UNC13B: variants seen among roughly 807,000 people sequenced by gnomAD.
UNC13B encodes the protein unc-13 homolog B.
In UNC13B, 144 loss-of-function variants were observed where a neutral mutation model predicts 211.0. That is an observed-to-expected ratio of 0.68 (90% CI 0.60 to 0.78). The LOEUF (loss-of-function observed/expected upper bound fraction) is 0.78, where lower values mean the gene tolerates loss of function less well. Ranked by LOEUF, UNC13B falls within the 30% of genes least tolerant of loss-of-function variation. The pLI is 0.00. For missense variants in UNC13B, 1,777 were observed against 2,002.0 expected (o/e 0.89, Z 2.14); for synonymous variants, 709 against 725.8 (o/e 0.98, Z 0.37).
chr9:35,312,193 TAA>T (rs1830212608), intron 10 of UNC13B, among the ~76,000 whole-genome samples: 1 of 152,196 alleles, frequency 6.6e-6, no homozygotes, highest in Non-Finnish European at 1.5e-5. Context: ...GATCTAATAA[TAA>T]AGCCTCTCAC....
chr9:35,348,374 C>A (rs371479962), intron 11 of UNC13B, among the ~76,000 whole-genome samples: 6 of 152,354 alleles, frequency 3.9e-5, no homozygotes, highest in African/African-American at 1.4e-4. Context: ...CGGCCGGCCT[C>A]CTGACACTTG....
In UNC13B at chr9:35,307,536, G is replaced by A. The variant is rs964010837; in HGVS notation, c.8132G>A (p.Ser2711Asn). The part of the protein sequence containing the change: ...ETDTMLFNDA[S>N]VSQSTTLETE... ...GATACTATGCTGTTCAATGATGCAA[G>A]TGTGAGCCAGAGCACCACTCTGGAA... is the stretch of plus-strand genomic sequence containing the variant. The change falls in exon 9 of 40, where the codon AGT (serine) becomes AAT (asparagine). Residue 2711 changes from serine to asparagine, a missense_variant. Ser to Asn is a conservative substitution (Grantham distance 46). Coordinates refer to ENST00000635942, the MANE Select transcript of UNC13B (RefSeq NM_001371189.2). 10 of 398,928 alleles carry A rather than the reference G, an allele frequency of 2.5e-5. No homozygotes were observed. The highest frequency in any genetic ancestry group is 4.4e-5 in the Non-Finnish European group (10 of 226,088). 24.7% of individuals were successfully genotyped at this position (398,928 alleles called of 1,614,324 possible).
In UNC13B at chr9:35,404,545, T is replaced by C. The variant is rs934005267; in HGVS notation, c.*512T>C. ...CACAGAATAGAATTTAGACTGTCCC[T>C]TGAGTAGAATCCACTGATTTTCTGT... On this transcript the variant is annotated 3_prime_UTR_variant, in exon 40 of 40. Transcript: ENST00000635942. 7.3e-5 allele frequency: 12 copies of C among 163,540 alleles called. No homozygotes were observed. Among genetic ancestry groups the C allele is most frequent in the Admixed American group, 1.1e-4 (2 of 17,866 alleles). The allele number at this position is 163,540 out of a possible 1,614,324, so 10.1% of individuals were successfully genotyped here.
intron 7 of UNC13B, among the ~76,000 whole-genome samples, chr9:35,284,377 A>G (rs947331147): frequency 2.0e-5 from 3 of 152,228 alleles, no homozygotes; most frequent in African/African-American, 7.2e-5. Flanking sequence ...TGGATGTTGA[A>G]CATTTCAAAA....
intron 11 of UNC13B, among the ~76,000 whole-genome samples, chr9:35,333,639 A>C (rs1183386818): frequency 6.6e-6 from 1 of 152,186 alleles, no homozygotes; most frequent in Non-Finnish European, 1.5e-5. Flanking sequence ...AATATTATCC[A>C]TTCTTTGGAT....
intron 7 of UNC13B, among the ~76,000 whole-genome samples, chr9:35,276,822 T>C (rs1828206965): frequency 6.6e-6 from 1 of 152,202 alleles, no homozygotes; most frequent in Non-Finnish European, 1.5e-5. Context: ...ATGCGGTGTC[T>C]TTCAATGATA....
intron 8 of UNC13B, 24 bp downstream of exon 8, chr9:35,295,954 T>C (rs778462557): frequency 1.3e-6 from 2 of 1,566,070 alleles, no homozygotes; most frequent in Non-Finnish European, 8.7e-7. Context: ...ACAAAGTACT[T>C]TCTCTTCCTA....
chr9:35,369,641 A>G (rs1833991409), intron 12 of UNC13B, among the ~76,000 whole-genome samples: 2 of 152,240 alleles, frequency 1.3e-5, no homozygotes, highest in African/African-American at 2.4e-5. Context: ...CCACACTCAT[A>G]CAGTCCCTTT....
chr9:35,393,187 C>T (rs1223424201), intron 26 of UNC13B, among the ~76,000 whole-genome samples: 2 of 152,162 alleles, frequency 1.3e-5, no homozygotes, highest in Non-Finnish European at 2.9e-5. Flanking sequence ...GTAGTTACAA[C>T]ACAAAGTTAT....
intron 16 of UNC13B, 45 bp from the exon 17 acceptor site, chr9:35,378,250 G>C: frequency 6.2e-7 from 1 of 1,611,636 alleles, no homozygotes; most frequent in African/African-American, 1.3e-5. Flanking sequence ...GTTGTGGGGG[G>C]CTTCTGAACG....
intron 1 of UNC13B, among the ~76,000 whole-genome samples, chr9:35,172,970 T>C (rs996450105): frequency 6.6e-6 from 1 of 152,196 alleles, no homozygotes; most frequent in Non-Finnish European, 1.5e-5. Flanking sequence ...CTATAGTAAG[T>C]GCTTCTTTAG....
rs766375749 is a variant in UNC13B at position 35,313,937 on chromosome 9, C to T, written c.9362C>T (p.Ala3121Val). ...AATGCATCTTCACCATTTACCCAAG[C>T]CAGAGCACATTGGATCCGAGCAGTT... is the stretch of plus-strand genomic sequence containing the variant. Reference protein sequence around the residue: ...EENASSPFTQARAHWIRAVTK... With the variant: ...EENASSPFTQVRAHWIRAVTK... Residue 3121 changes from alanine to valine, a missense_variant, in exon 11 of 40, where the codon GCC (alanine) becomes GTC (valine). Ala to Val is a moderately conservative substitution (Grantham distance 64). Coordinates refer to ENST00000635942, the MANE Select transcript of UNC13B (RefSeq NM_001371189.2). 23 of 1,613,840 alleles carry T rather than the reference C, an allele frequency of 1.4e-5. No individual in the cohort carries two copies. The highest frequency in any genetic ancestry group is 3.3e-4 in the Middle Eastern group (2 of 6,078).
chr9:35,204,215 G>A (rs1477174357), intron 1 of UNC13B, among the ~76,000 whole-genome samples: 2 of 152,254 alleles, frequency 1.3e-5, no homozygotes, highest in East Asian at 3.9e-4. Flanking sequence ...AGGCTTGGGA[G>A]CCTCCATCTA....
intron 26 of UNC13B, among the ~76,000 whole-genome samples, chr9:35,393,306 G>C (rs756062325): frequency 6.6e-6 from 1 of 152,118 alleles, no homozygotes; most frequent in African/African-American, 2.4e-5. Context: ...TGTACAAGCC[G>C]AAACCTGAAG....
intron 37 of UNC13B, among the ~76,000 whole-genome samples, chr9:35,401,183 G>A (rs796448502): frequency 3.9e-5 from 6 of 152,326 alleles, no homozygotes; most frequent in African/African-American, 1.2e-4. Flanking sequence ...ACCTGAGCAG[G>A]CTGCCTGGGG....
chr9:35,162,267 T>C lies in UNC13B; in HGVS notation c.-17T>C. On this transcript the variant is annotated 5_prime_UTR_variant, in exon 1 of 40. Coordinates refer to ENST00000635942, the MANE Select transcript of UNC13B (RefSeq NM_001371189.2). Reference sequence around the variant, plus strand: ...GGCGCGGCTGGGGCGCGGCAGAGGCTTGCCCGATCCTCGGCCATGTCACTG... The same window carrying C: ...GGCGCGGCTGGGGCGCGGCAGAGGCCTGCCCGATCCTCGGCCATGTCACTG... The C allele has an allele frequency of 6.5e-7, 1 of 1,541,396 alleles. No individual in the cohort carries two copies. The highest frequency in any genetic ancestry group is 8.7e-7 in the Non-Finnish European group (1 of 1,147,466).
At chr9:35,378,028 T>C (rs1028619611) in intron 16 of UNC13B, among the ~76,000 whole-genome samples, 1 of 152,024 alleles carries the variant, frequency 6.6e-6, no homozygotes, top group East Asian at 1.9e-4. Context: ...AGTGGTTTGC[T>C]AACTGGGTGG....
chr9:35,279,416 T>C (rs1417978027), intron 7 of UNC13B, among the ~76,000 whole-genome samples: 1 of 152,254 alleles, frequency 6.6e-6, no homozygotes, highest in Non-Finnish European at 1.5e-5. Context: ...TGTACAGATA[T>C]ACCATATTTT....
chr9:35,402,293 T>C (rs891759082), intron 37 of UNC13B, among the ~76,000 whole-genome samples: 1 of 150,572 alleles, frequency 6.6e-6, no homozygotes, highest in Non-Finnish European at 1.5e-5. Context: ...TTTTTTTTTT[T>C]TTTTTTGAGA....
Sources: allele counts gnomAD v4.1 joint callset (sites outside exome capture counted in the v4.1 genomes callset), GRCh38; gene constraint gnomAD v4.1.1; transcripts MANE v1.5; gene names NCBI Gene and HGNC (gene_info 2026-07-23, HGNC 2026-07-21).